The following ADGRL3 variants were observed in gnomAD, a reference collection of about 807,000 sequenced individuals.
ADGRL3 encodes the protein calcium-independent alpha-latrotoxin receptor 3.
In ADGRL3, 62 loss-of-function variants were observed where a neutral mutation model predicts 153.5. The observed-to-expected ratio is 0.40, with a 90% CI of 0.33 to 0.50. The LOEUF (loss-of-function observed/expected upper bound fraction) is 0.50, where lower values mean the gene tolerates loss of function less well. Ranked by LOEUF, ADGRL3 falls within the 20% of genes least tolerant of loss-of-function variation. The pLI, the probability that ADGRL3 is intolerant of heterozygous loss-of-function variation, is 0.47. For missense variants in ADGRL3, 1,641 were observed against 1,859.4 expected, an observed-to-expected ratio of 0.88 and a Z score of 2.16; for synonymous variants, 710 against 672.5, an observed-to-expected ratio of 1.06 and a Z score of -0.86.
intron 1 of ADGRL3, among the ~76,000 whole-genome samples, chr4:61,256,506 A>T (rs953502051): frequency 3.9e-5 from 6 of 152,136 alleles, no homozygotes; most frequent in Non-Finnish European, 7.4e-5. Context: ...AGTATGAGCC[A>T]GTAAAAGGAC....
At chr4:61,585,202 C>T (rs1004367060) in intron 4 of ADGRL3, among the ~76,000 whole-genome samples, 1 of 151,756 alleles carries the variant, frequency 6.6e-6, no homozygotes, top group Admixed American at 6.6e-5. Context: ...GAACACCAAC[C>T]AGAATGGAAT....
intron 19 of ADGRL3, among the ~76,000 whole-genome samples, chr4:61,989,968 T>G (rs562662551): frequency 6.6e-6 from 1 of 152,194 alleles, no homozygotes; most frequent in African/African-American, 2.4e-5. Context: ...TGTAGCTAGC[T>G]ACTTCAGAAA....
At chr4:61,849,366 T>C (rs1405757669) in intron 9 of ADGRL3, among the ~76,000 whole-genome samples, 1 of 152,156 alleles carries the variant, frequency 6.6e-6, no homozygotes, top group African/African-American at 2.4e-5. Context: ...GGGCACAAAA[T>C]CTAAATACTG....
intron 5 of ADGRL3, among the ~76,000 whole-genome samples, chr4:61,604,070 G>C (rs1454638827): frequency 6.6e-6 from 1 of 152,106 alleles, no homozygotes; most frequent in African/African-American, 2.4e-5. Context: ...TTGCACCTAA[G>C]GTCTTTTCCC....
intron 9 of ADGRL3, among the ~76,000 whole-genome samples, chr4:61,831,857 C>A (rs1001677443): frequency 6.6e-5 from 10 of 151,930 alleles, no homozygotes; most frequent in African/African-American, 2.4e-4. Flanking sequence ...CATATCTTAA[C>A]CTTCAGGCAA....
intron 1 of ADGRL3, among the ~76,000 whole-genome samples, chr4:61,236,417 T>C (rs1020087428): frequency 2.0e-5 from 3 of 151,952 alleles, no homozygotes; most frequent in Non-Finnish European, 4.4e-5. Flanking sequence ...TGGCCATTTT[T>C]CTACTGTGTG....
chr4:61,994,345 T>C (rs994690607), intron 19 of ADGRL3, among the ~76,000 whole-genome samples: 1 of 151,802 alleles, frequency 6.6e-6, no homozygotes, highest in African/African-American at 2.4e-5. Context: ...AGAGATGAGG[T>C]CTCACTATAT....
At chr4:61,721,597 C>G (rs761080834) in intron 6 of ADGRL3, among the ~76,000 whole-genome samples, 2 of 152,148 alleles carry the variant, frequency 1.3e-5, no homozygotes, top group African/African-American at 4.8e-5. Flanking sequence ...TTGGTAACAC[C>G]CTCACAGACA....
intron 9 of ADGRL3, among the ~76,000 whole-genome samples, chr4:61,851,414 C>A (rs2098201209): frequency 1.3e-5 from 2 of 151,690 alleles, no homozygotes; most frequent in African/African-American, 4.8e-5. Context: ...TAACGAGAGA[C>A]CTTCTCTCTA....
chr4:61,322,783 T>C (rs1309018645), intron 1 of ADGRL3, among the ~76,000 whole-genome samples: 5 of 152,152 alleles, frequency 3.3e-5, no homozygotes, highest in Non-Finnish European at 7.4e-5. Context: ...CAAGCTGGCA[T>C]TGAGTGCAGC....
At chr4:61,484,728 A>G (rs1027196836) in intron 2 of ADGRL3, among the ~76,000 whole-genome samples, 1 of 152,190 alleles carries the variant, frequency 6.6e-6, no homozygotes, top group African/African-American at 2.4e-5. Flanking sequence ...GAATAATTCA[A>G]TAATTAGGTA....
chr4:61,956,610 C>T (rs1486630074), intron 17 of ADGRL3, among the ~76,000 whole-genome samples: 1 of 151,982 alleles, frequency 6.6e-6, no homozygotes, highest in Non-Finnish European at 1.5e-5. Flanking sequence ...AAGTCTTTGC[C>T]CATGCTTATG....
intron 9 of ADGRL3, among the ~76,000 whole-genome samples, chr4:61,837,148 A>G (rs1049688954): frequency 1.3e-5 from 2 of 152,162 alleles, no homozygotes; most frequent in African/African-American, 4.8e-5. Flanking sequence ...TAGATTCTAA[A>G]GAGTAACTAC....
intron 1 of ADGRL3, among the ~76,000 whole-genome samples, chr4:61,367,785 T>C (rs2096434173): frequency 8.6e-6 from 1 of 116,356 alleles, no homozygotes; most frequent in African/African-American, 3.3e-5. Flanking sequence ...ATGGTATTTC[T>C]AGTTCTAGAT....
chr4:61,226,850 C>A (rs1001645191), intron 1 of ADGRL3, among the ~76,000 whole-genome samples: 1 of 151,916 alleles, frequency 6.6e-6, no homozygotes, highest in South Asian at 2.1e-4. Flanking sequence ...TTGCTACTAT[C>A]CCCAGAGTAA....
intron 17 of ADGRL3, among the ~76,000 whole-genome samples, chr4:61,956,326 G>A (rs879100495): frequency 3.3e-5 from 5 of 151,824 alleles, no homozygotes; most frequent in South Asian, 2.1e-4. Flanking sequence ...TGTTGGCTGC[G>A]TAAATGTCGT....
chr4:61,246,100 A>C (rs954143172), intron 1 of ADGRL3, among the ~76,000 whole-genome samples: 2 of 151,988 alleles, frequency 1.3e-5, no homozygotes, highest in African/African-American at 4.8e-5. Context: ...CCTTTTCTAC[A>C]TAAAATCTAC....
intron 2 of ADGRL3, among the ~76,000 whole-genome samples, chr4:61,417,188 C>T (rs1243789759): frequency 6.6e-6 from 1 of 152,078 alleles, no homozygotes; most frequent in Non-Finnish European, 1.5e-5. Flanking sequence ...TTGGGGATCC[C>T]TGCATTAAAT....
chr4:61,846,927 G>A (rs1054436995), intron 9 of ADGRL3, among the ~76,000 whole-genome samples: 1 of 142,204 alleles, frequency 7.0e-6, no homozygotes, highest in Non-Finnish European at 1.5e-5. Flanking sequence ...GCACCAAGCC[G>A]TGAGGGATAT....
Sources: gnomAD v4.1 joint callset for allele counts (sites outside exome capture counted in the v4.1 genomes callset) on GRCh38, gnomAD v4.1.1 for gene constraint, MANE v1.5 for transcripts, NCBI Gene and HGNC (gene_info 2026-07-23, HGNC 2026-07-21) for gene names.